Variants in PLCE1 observed in about 807,000 individuals in gnomAD.
PLCE1 encodes 1-phosphatidylinositol 4,5-bisphosphate phosphodiesterase epsilon-1.
A neutral mutation model predicts 242.8 loss-of-function variants in PLCE1; 119 were observed. The ratio of observed to expected loss-of-function variants is 0.49; its 90% CI spans 0.42 to 0.57. The LOEUF is 0.57. PLCE1 is among the 20% of genes least tolerant of loss of function. PLCE1 has a pLI of 0.00. For synonymous variants in PLCE1, 945 were observed against 1,017.4 expected, an observed-to-expected ratio of 0.93 and a Z score of 1.35; for missense variants, 2,441 against 2,788.8, an observed-to-expected ratio of 0.88 and a Z score of 2.81.
chr10:94,088,488 C>G (rs868777714), intron 2 of PLCE1, among the ~76,000 whole-genome samples: 1 of 152,180 alleles, frequency 6.6e-6, no homozygotes, highest in Admixed American at 6.5e-5. Context: ...CCACAAGATC[C>G]TAAAGTAATC....
chr10:94,089,117 C>T (rs2044957352), intron 2 of PLCE1: 2 of 1,613,698 alleles, frequency 1.2e-6, no homozygotes, highest in African/African-American at 2.7e-5. Flanking sequence ...GGAAGTGCAG[C>T]AGGAAGAGAC....
intron 3 of PLCE1, among the ~76,000 whole-genome samples, chr10:94,164,669 T>C (rs1023675395): frequency 1.3e-5 from 2 of 152,230 alleles, no homozygotes; most frequent in African/African-American, 4.8e-5. Flanking sequence ...CTTTGTTCCG[T>C]TGCTGGTGAG....
intron 5 of PLCE1, among the ~76,000 whole-genome samples, chr10:94,231,086 G>T (rs184809838): frequency 1.3e-5 from 2 of 152,210 alleles, no homozygotes; most frequent in East Asian, 3.9e-4. Context: ...TTGTAAGTGG[G>T]TTTTCTATAT....
At chr10:94,218,656 G>A (rs1805307179) in intron 4 of PLCE1, among the ~76,000 whole-genome samples, 3 of 151,760 alleles carry the variant, frequency 2.0e-5, no homozygotes. Flanking sequence ...TGCTTTAACT[G>A]CTCCCACCCT....
chr10:94,014,265 A>T (rs1436465977), intron 1 of PLCE1, among the ~76,000 whole-genome samples: 3 of 152,186 alleles, frequency 2.0e-5, no homozygotes, highest in Non-Finnish European at 4.4e-5. Context: ...CCATCTTAGA[A>T]ATTGTGGTAA....
intron 2 of PLCE1, among the ~76,000 whole-genome samples, chr10:94,042,877 A>G (rs2061795660): frequency 6.6e-6 from 1 of 152,214 alleles, no homozygotes; most frequent in Admixed American, 6.5e-5. Flanking sequence ...TCTATAGCTT[A>G]TTCACAATCA....
At chr10:94,091,337 T>C (rs2045061319) in intron 2 of PLCE1, among the ~76,000 whole-genome samples, 1 of 152,254 alleles carries the variant, frequency 6.6e-6, no homozygotes, top group Admixed American at 6.5e-5. Flanking sequence ...CTCCATGGCA[T>C]CTTAACACTC....
intron 4 of PLCE1, among the ~76,000 whole-genome samples, chr10:94,216,522 C>A (rs752741449): frequency 6.6e-6 from 1 of 152,056 alleles, no homozygotes; most frequent in Non-Finnish European, 1.5e-5. Flanking sequence ...AGCAGGCAGT[C>A]CAGAGGTGGC....
chr10:94,251,365 CTTCT>C (rs1275008046), intron 8 of PLCE1, among the ~76,000 whole-genome samples: 1 of 152,182 alleles, frequency 6.6e-6, no homozygotes, highest in Non-Finnish European at 1.5e-5. Context: ...ACACACAAAG[CTTCT>C]TTGTTTTTTG....
intron 2 of PLCE1, among the ~76,000 whole-genome samples, chr10:94,057,196 T>C (rs896341745): frequency 6.6e-6 from 1 of 152,188 alleles, no homozygotes; most frequent in African/African-American, 2.4e-5. Flanking sequence ...GGTCATTTGG[T>C]AATTCCATGT....
intron 29 of PLCE1, among the ~76,000 whole-genome samples, chr10:94,318,922 C>T (rs942848744): frequency 5.3e-5 from 8 of 152,158 alleles, no homozygotes; most frequent in Non-Finnish European, 7.3e-5. Flanking sequence ...GTAGCAGGCA[C>T]CTGTAGTCCC....
At chr10:94,166,576 A>G (rs2047809802) in intron 3 of PLCE1, among the ~76,000 whole-genome samples, 1 of 91,746 alleles carries the variant, frequency 1.1e-5, no homozygotes, top group Non-Finnish European at 2.1e-5. Context: ...AGAAGAGAAA[A>G]AAGGTGTGTG....
At chr10:94,075,773 G>A (rs995318425) in intron 2 of PLCE1, among the ~76,000 whole-genome samples, 1 of 152,242 alleles carries the variant, frequency 6.6e-6, no homozygotes, top group Non-Finnish European at 1.5e-5. Flanking sequence ...CATGACCTGG[G>A]TCACATTCAG....
chr10:94,241,166 A>G (rs2050491456), intron 7 of PLCE1, among the ~76,000 whole-genome samples: 1 of 152,322 alleles, frequency 6.6e-6, no homozygotes, highest in Admixed American at 6.5e-5. Flanking sequence ...ATTCTAAAAT[A>G]AAAACTGACG....
intron 2 of PLCE1, among the ~76,000 whole-genome samples, chr10:94,115,205 G>A: frequency 6.6e-6 from 1 of 152,100 alleles, no homozygotes; most frequent in East Asian, 1.9e-4. Context: ...CTTTGCTATT[G>A]TGAATAGTGC....
rs561679888 is a variant in PLCE1, at chr10:94,268,018, T to C, written c.4282-911T>C. Among the ~76,000 whole-genome samples, 8 of 152,340 alleles carry C rather than the reference T, an allele frequency of 5.3e-5. No individual in the cohort carries two copies. The South Asian group carries it at 1.7e-3, about 32-fold the overall frequency. ...CAGTGGGTAGGCACATTTACAGATG[T>C]ATCAATTTCTTGGCTTGGGTCACTA... On this transcript the variant is annotated intron_variant, in intron 16 of 32. Transcript: ENST00000371380.
chr10:94,197,246 G>A (rs553785126), intron 4 of PLCE1, among the ~76,000 whole-genome samples: 3 of 152,172 alleles, frequency 2.0e-5, no homozygotes, highest in African/African-American at 7.2e-5. Flanking sequence ...AATAATGATG[G>A]CCATTTGAAT....
At chr10:94,278,707 A>G (rs993629346) in intron 19 of PLCE1, among the ~76,000 whole-genome samples, 1 of 152,178 alleles carries the variant, frequency 6.6e-6, no homozygotes, top group African/African-American at 2.4e-5. Flanking sequence ...CTGCCATATT[A>G]ACATTTAATA....
chr10:94,324,245 A>G, intron 30 of PLCE1, 104 bp from the exon 31 acceptor site: 1 of 872,404 alleles, frequency 1.1e-6, no homozygotes, highest in South Asian at 1.3e-5. Context: ...GATCCCCTTC[A>G]TCTCTAGTCT....
Sources: allele counts gnomAD v4.1 joint callset (sites outside exome capture counted in the v4.1 genomes callset), GRCh38; gene constraint gnomAD v4.1.1; transcripts MANE v1.5; gene names NCBI Gene and HGNC (gene_info 2026-07-23, HGNC 2026-07-21).